The following CACNA1A variants were observed in gnomAD, a reference collection of about 807,000 sequenced individuals.
The protein encoded by CACNA1A is voltage-dependent P/Q-type calcium channel subunit alpha-1A.
In CACNA1A, 57 loss-of-function variants were observed where a neutral mutation model predicts 262.4. That is an observed-to-expected ratio of 0.22 (90% CI 0.18 to 0.27). The LOEUF (loss-of-function observed/expected upper bound fraction) is 0.27. Among genes scored for constraint, CACNA1A ranks in the 10% least tolerant of loss-of-function variants. The pLI, the probability that CACNA1A is intolerant of heterozygous loss-of-function variation, is 1.00. For missense variants in CACNA1A, 2,526 were observed against 3,562.8 expected (o/e 0.71, Z 7.41); for synonymous variants, 1,431 against 1,419.3 (o/e 1.01, Z -0.18).
chr19:13,305,197 C>T (rs2057875886), intron 15 of CACNA1A, among the ~76,000 whole-genome samples: 1 of 152,142 alleles, frequency 6.6e-6, no homozygotes, highest in Admixed American at 6.6e-5. Context: ...CTGGGGAGCT[C>T]TAGGGGTCAT....
intron 1 of CACNA1A, among the ~76,000 whole-genome samples, chr19:13,503,678 G>A (rs1465175307): frequency 8.8e-6 from 1 of 114,268 alleles, no homozygotes; most frequent in Non-Finnish European, 1.6e-5. Context: ...GACAGAGAAA[G>A]CTCAGTCCTG....
intron 22 of CACNA1A, 133 bp from the exon 23 acceptor site, chr19:13,277,261 C>T (rs1207449827): frequency 1.3e-5 from 8 of 629,094 alleles, no homozygotes; most frequent in Middle Eastern, 2.7e-4. Context: ...TATACAGTTG[C>T]GCAGGGCGTG....
intron 3 of CACNA1A, among the ~76,000 whole-genome samples, chr19:13,446,067 G>A (rs957194723): frequency 2.6e-5 from 4 of 152,066 alleles, no homozygotes; most frequent in Admixed American, 6.6e-5. Context: ...CTGAGGTCCG[G>A]AGTTCGAGAC....
intron 46 of CACNA1A, 144 bp downstream of exon 46, chr19:13,208,612 C>T (rs1468139923): frequency 2.8e-6 from 3 of 1,075,508 alleles, no homozygotes; most frequent in Non-Finnish European, 3.9e-6. Context: ...CCGGGCACCC[C>T]GGTGGCTTGG....
chr19:13,494,118 G>A (rs1341953293), intron 1 of CACNA1A, among the ~76,000 whole-genome samples: 2 of 152,220 alleles, frequency 1.3e-5, no homozygotes, highest in Admixed American at 6.5e-5. Context: ...TTTGTGCAGT[G>A]CACAACCTGT....
chr19:13,495,598 G>C (rs1449209148), intron 1 of CACNA1A, among the ~76,000 whole-genome samples: 1 of 152,162 alleles, frequency 6.6e-6, no homozygotes, highest in Non-Finnish European at 1.5e-5. Context: ...ACAAAAGTGT[G>C]CAAAATTCAC....
chr19:13,501,332 C>T (rs1982353500), intron 1 of CACNA1A, among the ~76,000 whole-genome samples: 2 of 151,716 alleles, frequency 1.3e-5, no homozygotes, highest in Non-Finnish European at 2.9e-5. Flanking sequence ...CACAATACCA[C>T]GCCTGGCTAA....
intron 3 of CACNA1A, among the ~76,000 whole-genome samples, chr19:13,429,199 CA>C (rs2060458360): frequency 6.6e-6 from 1 of 151,558 alleles, no homozygotes; most frequent in East Asian, 1.9e-4. Context: ...CACACACACA[CA>C]CACACACCCC....
chr19:13,467,242 C>T (rs936112045), intron 1 of CACNA1A, among the ~76,000 whole-genome samples: 1 of 152,104 alleles, frequency 6.6e-6, no homozygotes, highest in African/African-American at 2.4e-5. Flanking sequence ...CTAAATGACA[C>T]ACTACACATT....
intron 1 of CACNA1A, among the ~76,000 whole-genome samples, chr19:13,469,468 T>C (rs1056834237): frequency 7.1e-6 from 1 of 140,020 alleles, no homozygotes; most frequent in South Asian, 2.4e-4. Context: ...CTCTTTTTTT[T>C]TTTTTTTTTT....
At chr19:13,232,592 G>A (rs1292547859) in intron 34 of CACNA1A, among the ~76,000 whole-genome samples, 1 of 151,856 alleles carries the variant, frequency 6.6e-6, no homozygotes, top group East Asian at 1.9e-4. Context: ...TTTGCTCGGT[G>A]TGGTGGCGCT....
At chr19:13,376,925 TTA>T (rs35224316) in intron 3 of CACNA1A, among the ~76,000 whole-genome samples, 7 of 141,360 alleles carry the variant, frequency 5.0e-5, no homozygotes, top group South Asian at 4.4e-4. Flanking sequence ...TACATATATG[TTA>T]TATATATAAT....
Position 13,359,563 on chromosome 19 carries a change from T to C in CACNA1A, c.978+43A>G, listed in dbSNP as rs2059066130. On this transcript the variant is annotated intron_variant, in intron 6 of 46. Transcript: ENST00000360228. ...CACTGGTCCCAGGAGGCCACCTCCC[T>C]GAGACTCTGATTGTCCACACACACT... 3.3e-6 allele frequency: 5 copies of C among 1,520,286 alleles called. No homozygotes were observed. In the Admixed American group the frequency reaches 7.2e-5, roughly 22 times the overall value. The allele number at this position is 1,520,286 out of a possible 1,614,324, so 94.2% of individuals were successfully genotyped here.
rs1491485153 is a variant in CACNA1A at position 13,466,321 on chromosome 19, TTC to T, written c.294-11111_294-11110del. ...GAGGCTCTGTCCTTTTTTTTTTTTT[TTC>T]CTTTTCTTTTTTTTTAAGACGGAGT... On this transcript the variant is annotated intron_variant, in intron 1 of 46. Transcript: ENST00000360228. Among the ~76,000 whole-genome samples the T allele has an allele frequency of 4.8e-4, 73 of 151,478 alleles. 1 individual carries two copies. The highest frequency in any genetic ancestry group is 1.6e-3 in the African/African-American group (67 of 41,248).
intron 1 of CACNA1A, among the ~76,000 whole-genome samples, chr19:13,458,403 A>C (rs1044353024): frequency 1.3e-4 from 20 of 151,942 alleles, no homozygotes; most frequent in African/African-American, 4.6e-4. Context: ...TTTCTTCCTC[A>C]GCCTCCCAAA....
intron 1 of CACNA1A, among the ~76,000 whole-genome samples, chr19:13,464,543 A>ATTGTTTTTTTTT (rs1170388497): frequency 3.1e-5 from 4 of 128,962 alleles, no homozygotes; most frequent in Admixed American, 2.3e-4. Context: ...AACTTTTCCA[A>ATTGTTTTTTTTT]TTTTTTTTTT....
chr19:13,207,969 T>C lies in CACNA1A; in HGVS notation c.6865A>G (p.Thr2289Ala), dbSNP rs1446142917. 7.7e-7 allele frequency: 1 copy of C among 1,303,258 alleles called. No homozygotes were observed. 80.7% of individuals were successfully genotyped at this position (1,303,258 alleles called of 1,614,324 possible). The change falls in exon 47 of 47, where the codon ACC becomes GCC. Residue 2289 changes from threonine (T) to alanine (A), a missense_variant. Physicochemically the swap from Thr to Ala is moderately conservative, Grantham distance 58 (BLOSUM62 0). Coordinates refer to ENST00000360228, the MANE Select transcript of CACNA1A (RefSeq NM_001127222.2). The surrounding 1 kb of genome is among the most constrained non-coding windows in gnomAD (Gnocchi z 5.7). ...PRRGRRQLPQ[T>A]PSTPRPHVSY... ...ACGTGTGGCCGGGGGGTGGAGGGGG[T>C]CTGGGGGAGCTGGCGGCGGCCCCGC...
intron 17 of CACNA1A, among the ~76,000 whole-genome samples, chr19:13,302,875 A>G (rs2057815813): frequency 6.6e-6 from 1 of 152,228 alleles, no homozygotes; most frequent in Non-Finnish European, 1.5e-5. Context: ...TTTCACAAAC[A>G]TGTCCTGAAT....
chr19:13,461,017 C>T (rs1450920241), intron 1 of CACNA1A, among the ~76,000 whole-genome samples: 2 of 152,064 alleles, frequency 1.3e-5, no homozygotes, highest in African/African-American at 4.8e-5. Flanking sequence ...CCCAGGAGAG[C>T]ATTCTCTATA....
Sources: gnomAD v4.1 joint callset for allele counts (sites outside exome capture counted in the v4.1 genomes callset) on GRCh38, gnomAD v4.1.1 for gene constraint, Gnocchi (gnomAD v3.1) non-coding constraint, MANE v1.5 for transcripts, NCBI Gene and HGNC (gene_info 2026-07-23, HGNC 2026-07-21) for gene names.